The following FHIP1A variants were observed in gnomAD, a reference collection of about 807,000 sequenced individuals.
FHIP1A encodes FHF complex subunit HOOK interacting protein 1A.
FHIP1A carries 61 observed loss-of-function variants against 88.6 expected under a neutral mutation model. That is an observed-to-expected ratio of 0.69 (90% CI 0.56 to 0.85). The LOEUF is 0.85. Ranked by LOEUF, FHIP1A falls within the 40% of genes least tolerant of loss-of-function variation. FHIP1A has a pLI of 0.00. For missense variants in FHIP1A, 1,154 were observed against 1,273.5 expected, an observed-to-expected ratio of 0.91 and a Z score of 1.43; for synonymous variants, 478 against 496.0, an observed-to-expected ratio of 0.96 and a Z score of 0.48.
At chr4:151,536,724 G>C (rs1732083450) in intron 3 of FHIP1A, among the ~76,000 whole-genome samples, 5 of 152,156 alleles carry the variant, frequency 3.3e-5, no homozygotes, top group Admixed American at 1.3e-4. Flanking sequence ...GGATATCTCA[G>C]CTGATTCTGG....
chr4:151,427,757 A>G (rs1561490367), intron 1 of FHIP1A, among the ~76,000 whole-genome samples: 1 of 152,128 alleles, frequency 6.6e-6, no homozygotes, highest in Non-Finnish European at 1.5e-5. Context: ...GAGGATGTCA[A>G]CTACAGAGAG....
chr4:151,510,272 A>AT (rs1044960201), intron 3 of FHIP1A, among the ~76,000 whole-genome samples: 2 of 151,298 alleles, frequency 1.3e-5, no homozygotes, highest in Non-Finnish European at 2.9e-5. Flanking sequence ...GCCCACTAAT[A>AT]TTTTTTTCAA....
At chr4:151,546,620 T>C (rs2126736598) in intron 3 of FHIP1A, among the ~76,000 whole-genome samples, 1 of 152,358 alleles carries the variant, frequency 6.6e-6, no homozygotes, top group East Asian at 1.9e-4. Flanking sequence ...CTGGGAATTC[T>C]TCCTAGTAGT....
Position 151,542,033 on chromosome 4 carries a change from C to G in FHIP1A, c.-122-24105C>G, listed in dbSNP as rs868138228. Among the ~76,000 whole-genome samples, 4 of 152,286 alleles carry G rather than the reference C, an allele frequency of 2.6e-5. No homozygotes were observed. In the South Asian group the frequency reaches 8.3e-4, roughly 32 times the overall value. ...CACACCATTTGCAGTGGGGAGGAGC[C>G]TGGCCTCTCCTTTCCTGTTAAGAGG... On this transcript the variant is annotated intron_variant, in intron 3 of 13. Transcript: ENST00000435205.
rs565579137 is a variant in FHIP1A, at chr4:151,664,997, A to G, written c.*2243A>G. On this transcript the variant is annotated 3_prime_UTR_variant, in exon 14 of 14. Coordinates refer to ENST00000435205, the MANE Select transcript of FHIP1A (RefSeq NM_001109977.3). ...CTTACTTTATTATTTTATTTTTTTG[A>G]GACAGGATCTTGCGCTGCCTGGGCT... 1.3e-5 allele frequency among the ~76,000 whole-genome samples: 2 copies of G among 152,114 alleles called. No individual in the cohort carries two copies. Among genetic ancestry groups the G allele is most frequent in the African/African-American group, 4.8e-5 (2 of 41,478 alleles).
chr4:151,632,722 C>T (rs1474435811), intron 8 of FHIP1A, among the ~76,000 whole-genome samples: 2 of 151,920 alleles, frequency 1.3e-5, no homozygotes, highest in African/African-American at 4.8e-5. Flanking sequence ...AATTAAACAA[C>T]ACATTCTTGG....
intron 3 of FHIP1A, among the ~76,000 whole-genome samples, chr4:151,487,660 G>A: frequency 6.6e-6 from 1 of 152,186 alleles, no homozygotes; most frequent in East Asian, 1.9e-4. Flanking sequence ...ACATTTATCA[G>A]GTGTTTCCTG....
At chr4:151,577,169 A>G (rs1049943840) in intron 4 of FHIP1A, among the ~76,000 whole-genome samples, 11 of 152,216 alleles carry the variant, frequency 7.2e-5, no homozygotes, top group African/African-American at 2.7e-4. Context: ...CAAAGAATGC[A>G]TGTAGCTTAA....
chr4:151,533,863 G>A (rs1474692953), intron 3 of FHIP1A, among the ~76,000 whole-genome samples: 1 of 152,194 alleles, frequency 6.6e-6, no homozygotes, highest in Non-Finnish European at 1.5e-5. Context: ...TCATGCCTGT[G>A]TCTAATGCAA....
At chr4:151,515,668 G>T (rs948186812) in intron 3 of FHIP1A, among the ~76,000 whole-genome samples, 1 of 151,624 alleles carries the variant, frequency 6.6e-6, no homozygotes, top group Non-Finnish European at 1.5e-5. Flanking sequence ...AACAGACAGA[G>T]AGCCAAATCA....
At chr4:151,572,052 C>T (rs1235130702) in intron 4 of FHIP1A, among the ~76,000 whole-genome samples, 1 of 152,030 alleles carries the variant, frequency 6.6e-6, no homozygotes, top group Non-Finnish European at 1.5e-5. Flanking sequence ...TACTAAAATA[C>T]AAAAGTTAGC....
At chr4:151,481,189 G>C (rs1285498209) in intron 2 of FHIP1A, among the ~76,000 whole-genome samples, 2 of 151,918 alleles carry the variant, frequency 1.3e-5, no homozygotes, top group African/African-American at 4.8e-5. Context: ...ATAAGTAGTT[G>C]TGATCATATG....
chr4:151,495,375 G>A lies in FHIP1A; in HGVS notation c.-123+12727G>A, dbSNP rs745994589. Among the ~76,000 whole-genome samples the A allele has an allele frequency of 1.1e-4, 17 of 151,804 alleles. 1 individual carries two copies. The East Asian group carries it at 1.2e-3, about 11-fold the overall frequency. On this transcript the variant is annotated intron_variant, in intron 3 of 13. Transcript: ENST00000435205. ...AAATTAGCTGGATGTGGTAGCACGC[G>A]CCTGTAGTCCCAGCTACTCGGGAGG...
intron 8 of FHIP1A, among the ~76,000 whole-genome samples, chr4:151,636,957 G>T (rs373508159): frequency 6.6e-6 from 1 of 152,096 alleles, no homozygotes; most frequent in African/African-American, 2.4e-5. Context: ...GCAGTGTGGT[G>T]CAGGATAGAC....
At chr4:151,468,732 T>C (rs990215513) in intron 2 of FHIP1A, among the ~76,000 whole-genome samples, 3 of 152,238 alleles carry the variant, frequency 2.0e-5, no homozygotes, top group African/African-American at 4.8e-5. Context: ...GATTTTCTGC[T>C]TAACTTACCA....
At chr4:151,486,718 G>C (rs905350430) in intron 3 of FHIP1A, among the ~76,000 whole-genome samples, 1 of 152,088 alleles carries the variant, frequency 6.6e-6, no homozygotes, top group Non-Finnish European at 1.5e-5. Context: ...TGTAATCCCA[G>C]CACTTTGGGA....
chr4:151,436,749 A>G (rs1450111750), intron 1 of FHIP1A, among the ~76,000 whole-genome samples: 1 of 152,212 alleles, frequency 6.6e-6, no homozygotes, highest in Non-Finnish European at 1.5e-5. Flanking sequence ...TCATATGAAT[A>G]TCAAATAAGA....
chr4:151,554,607 T>G (rs1054905851), intron 3 of FHIP1A, among the ~76,000 whole-genome samples: 2 of 152,166 alleles, frequency 1.3e-5, no homozygotes, highest in Non-Finnish European at 2.9e-5. Context: ...CCAAAGGTTT[T>G]GGGATGCTGA....
intron 3 of FHIP1A, among the ~76,000 whole-genome samples, chr4:151,514,723 C>G (rs919916409): frequency 6.6e-6 from 1 of 151,792 alleles, no homozygotes; most frequent in Non-Finnish European, 1.5e-5. Context: ...ATAAATTCCT[C>G]GACACATACA....
Sources: allele counts gnomAD v4.1 joint callset (sites outside exome capture counted in the v4.1 genomes callset), GRCh38; gene constraint gnomAD v4.1.1; transcripts MANE v1.5; gene names NCBI Gene and HGNC (gene_info 2026-07-23, HGNC 2026-07-21).